The following FBXL17 variants were observed in gnomAD, a reference collection of about 807,000 sequenced individuals.
FBXL17 encodes F-box/LRR-repeat protein 17.
FBXL17 carries 22 observed loss-of-function variants against 66.2 expected under a neutral mutation model. The observed-to-expected ratio is 0.33, with a 90% CI of 0.24 to 0.47. The LOEUF is 0.47. Among genes scored for constraint, FBXL17 ranks in the 20% least tolerant of loss-of-function variants. The pLI is 1.00. For missense variants in FBXL17, 878 were observed against 948.2 expected (o/e 0.93, Z 0.97); for synonymous variants, 474 against 400.5 (o/e 1.18, Z -2.19).
At chr5:108,057,163 G>GATAAATATAATA (rs1747741369) in intron 6 of FBXL17, among the ~76,000 whole-genome samples, 1 of 152,088 alleles carries the variant, frequency 6.6e-6, no homozygotes, top group South Asian at 2.1e-4. Flanking sequence ...TATAATGTAA[G>GATAAATATAATA]ATAAATATAA....
chr5:107,954,942 G>T (rs1406371669), intron 7 of FBXL17, among the ~76,000 whole-genome samples: 1 of 152,062 alleles, frequency 6.6e-6, no homozygotes, highest in Non-Finnish European at 1.5e-5. Context: ...TACTTCCAAA[G>T]CCACCCAGGA....
At chr5:108,020,583 T>C (rs1239256328) in intron 7 of FBXL17, among the ~76,000 whole-genome samples, 2 of 151,870 alleles carry the variant, frequency 1.3e-5, no homozygotes, top group African/African-American at 4.8e-5. Flanking sequence ...TGTAATAATT[T>C]TCTTAGTTAT....
At chr5:108,093,032 A>AT (rs1162594465) in intron 6 of FBXL17, among the ~76,000 whole-genome samples, 1 of 152,112 alleles carries the variant, frequency 6.6e-6, no homozygotes, top group Non-Finnish European at 1.5e-5. Context: ...CAATAACAAA[A>AT]TTTAACAATT....
intron 4 of FBXL17, among the ~76,000 whole-genome samples, chr5:108,280,481 C>T (rs1243925025): frequency 6.6e-6 from 1 of 151,670 alleles, no homozygotes; most frequent in Non-Finnish European, 1.5e-5. Context: ...AGCAAAAGGA[C>T]AACATTAACC....
At chr5:108,210,497 T>C (rs1754321888) in intron 5 of FBXL17, among the ~76,000 whole-genome samples, 1 of 152,222 alleles carries the variant, frequency 6.6e-6, no homozygotes, top group Non-Finnish European at 1.5e-5. Flanking sequence ...TCCTAGAGAT[T>C]CTGGTATGTT....
intron 6 of FBXL17, among the ~76,000 whole-genome samples, chr5:108,177,625 T>C (rs1752839796): frequency 1.3e-5 from 2 of 151,980 alleles, no homozygotes; most frequent in Admixed American, 1.3e-4. Context: ...TCACTCTAGG[T>C]CTGAAGCAGA....
intron 4 of FBXL17, among the ~76,000 whole-genome samples, chr5:108,287,975 G>A (rs1258962467): frequency 6.6e-6 from 1 of 151,984 alleles, no homozygotes; most frequent in African/African-American, 2.4e-5. Flanking sequence ...AACATGGATG[G>A]AGGTAGAGGC....
At chr5:108,336,068 T>C (rs1476749683) in intron 4 of FBXL17, among the ~76,000 whole-genome samples, 1 of 152,194 alleles carries the variant, frequency 6.6e-6, no homozygotes, top group Non-Finnish European at 1.5e-5. Context: ...ATATCTATCC[T>C]TATTCTTGGA....
At chr5:108,221,537 TAGAA>T (rs1274533357) in intron 5 of FBXL17, among the ~76,000 whole-genome samples, 3 of 152,150 alleles carry the variant, frequency 2.0e-5, no homozygotes, top group Admixed American at 6.5e-5. Flanking sequence ...TTAGCAAACT[TAGAA>T]AGCCAGGGAT....
intron 5 of FBXL17, among the ~76,000 whole-genome samples, chr5:108,219,638 G>C (rs1266537163): frequency 6.6e-6 from 1 of 151,910 alleles, no homozygotes; most frequent in Non-Finnish European, 1.5e-5. Context: ...AGTGAGCCAA[G>C]ATCCCATTAC....
At chr5:108,018,201 C>T (rs889433593) in intron 7 of FBXL17, among the ~76,000 whole-genome samples, 4 of 152,054 alleles carry the variant, frequency 2.6e-5, no homozygotes, top group African/African-American at 4.8e-5. Context: ...ATGAATTTCC[C>T]GCTGTATCAG....
chr5:108,199,165 C>A (rs902760511), intron 5 of FBXL17, among the ~76,000 whole-genome samples: 1 of 152,004 alleles, frequency 6.6e-6, no homozygotes, highest in Admixed American at 6.6e-5. Context: ...CTTAATATTG[C>A]ATACTTTGGG....
intron 5 of FBXL17, among the ~76,000 whole-genome samples, chr5:108,215,826 T>G (rs1754575514): frequency 6.6e-6 from 1 of 152,212 alleles, no homozygotes; most frequent in Non-Finnish European, 1.5e-5. Flanking sequence ...TGTTTCATAG[T>G]TTTAACTCCT....
At chr5:108,321,690 A>T (rs1478589554) in intron 4 of FBXL17, among the ~76,000 whole-genome samples, 1 of 151,914 alleles carries the variant, frequency 6.6e-6, no homozygotes, top group African/African-American at 2.4e-5. Flanking sequence ...AAAAACAAAA[A>T]AGTGGTAAAT....
chr5:108,249,471 A>T (rs183017974), intron 4 of FBXL17, among the ~76,000 whole-genome samples: 1 of 152,188 alleles, frequency 6.6e-6, no homozygotes, highest in Non-Finnish European at 1.5e-5. Context: ...TTATAGAAAC[A>T]TATCTAATCA....
intron 4 of FBXL17, among the ~76,000 whole-genome samples, chr5:108,270,577 AC>A (rs1757227965): frequency 1.3e-5 from 2 of 151,098 alleles, no homozygotes; most frequent in Admixed American, 1.3e-4. Context: ...GTCTAGTAAA[AC>A]CAAAGAAACA....
At chr5:108,378,761 C>T (rs1749628444) in intron 1 of FBXL17, among the ~76,000 whole-genome samples, 1 of 152,286 alleles carries the variant, frequency 6.6e-6, no homozygotes, top group Admixed American at 6.5e-5. Context: ...ATTTACTGAG[C>T]GCTACTATAT....
At chr5:108,353,940 G>A (rs1367710230) in intron 3 of FBXL17, among the ~76,000 whole-genome samples, 1 of 152,152 alleles carries the variant, frequency 6.6e-6, no homozygotes, top group African/African-American at 2.4e-5. Context: ...TATCCAAAAT[G>A]TTTGGGACCA....
chr5:108,142,682 T>TA (rs564363165), intron 6 of FBXL17, among the ~76,000 whole-genome samples: 3 of 152,268 alleles, frequency 2.0e-5, no homozygotes, highest in South Asian at 4.1e-4. Context: ...GATGAGAAGT[T>TA]AGACAGATTT....
Sources: allele counts gnomAD v4.1 joint callset (sites outside exome capture counted in the v4.1 genomes callset), GRCh38; gene constraint gnomAD v4.1.1; transcripts MANE v1.5; gene names NCBI Gene and HGNC (gene_info 2026-07-23, HGNC 2026-07-21).